DENND1A: variants seen among roughly 807,000 people sequenced by gnomAD.
DENND1A encodes the protein DENN domain-containing protein 1A.
In DENND1A, 51 loss-of-function variants were observed where a neutral mutation model predicts 113.7. The observed-to-expected ratio is 0.45, with a 90% confidence interval of 0.36 to 0.57. DENND1A has a LOEUF of 0.57. DENND1A is among the 20% of genes least tolerant of loss of function. The pLI is 0.00. For missense variants in DENND1A, 1,258 were observed against 1,395.9 expected, an observed-to-expected ratio of 0.90 and a Z score of 1.57; for synonymous variants, 565 against 570.8, an observed-to-expected ratio of 0.99 and a Z score of 0.14.
intron 13 of DENND1A, among the ~76,000 whole-genome samples, chr9:123,523,927 A>AAC (rs1377250726): frequency 6.6e-6 from 1 of 152,210 alleles, no homozygotes; most frequent in African/African-American, 2.4e-5. Context: ...AAACTCCCTC[A>AAC]ACAACTAGAA....
chr9:123,791,702 A>G (rs937638670), intron 3 of DENND1A, among the ~76,000 whole-genome samples: 1 of 152,206 alleles, frequency 6.6e-6, no homozygotes, highest in Non-Finnish European at 1.5e-5. Context: ...TCATTCAAAG[A>G]CTTTTAATAA....
intron 5 of DENND1A, among the ~76,000 whole-genome samples, chr9:123,725,447 C>G (rs1183210218): frequency 6.6e-6 from 1 of 152,226 alleles, no homozygotes; most frequent in African/African-American, 2.4e-5. Context: ...TTCAGCATCA[C>G]ACTCCCTATA....
intron 4 of DENND1A, among the ~76,000 whole-genome samples, chr9:123,763,373 T>A (rs544030070): frequency 6.6e-6 from 1 of 152,028 alleles, no homozygotes; most frequent in African/African-American, 2.4e-5. Flanking sequence ...GGACTGGGAA[T>A]TGGGGAGCAA....
At chr9:123,533,367 T>G (rs760417486) in intron 13 of DENND1A, among the ~76,000 whole-genome samples, 2 of 152,238 alleles carry the variant, frequency 1.3e-5, no homozygotes, top group Admixed American at 6.5e-5. Flanking sequence ...CCCACTCTCT[T>G]TAGCACAAGA....
At chr9:123,443,346 C>G (rs140027124) in intron 18 of DENND1A, among the ~76,000 whole-genome samples, 1 of 152,216 alleles carries the variant, frequency 6.6e-6, no homozygotes, top group Non-Finnish European at 1.5e-5. Flanking sequence ...TCTCTATCAA[C>G]TGTAAGTTCG....
chr9:123,919,600 G>A (rs550256392), intron 1 of DENND1A, among the ~76,000 whole-genome samples: 1 of 151,492 alleles, frequency 6.6e-6, no homozygotes, highest in African/African-American at 2.4e-5. Context: ...TGACATCTGC[G>A]GCCTGGAATG....
chr9:123,583,069 A>T (rs2058996831), intron 12 of DENND1A, 100 bp downstream of exon 12: 1 of 884,834 alleles, frequency 1.1e-6, no homozygotes, highest in Admixed American at 2.3e-5. Context: ...GGTCACAGGA[A>T]AACCCTCGCT....
chr9:123,733,800 A>G lies in DENND1A; in HGVS notation c.302+23903T>C, dbSNP rs556800934. On this transcript the variant is annotated intron_variant, in intron 5 of 23. Coordinates refer to ENST00000394215, the MANE Select transcript of DENND1A (RefSeq NM_001352964.2). The stretch of plus-strand genomic sequence containing the variant: ...CCTGCCTCAGCCTCCCAAGCAGCTG[A>G]GACTACAGGCACATGCCACCATGAC... Among the ~76,000 whole-genome samples the G allele has an allele frequency of 1.5e-3, 222 of 151,634 alleles. 1 individual carries two copies. The highest frequency in any genetic ancestry group is 5.3e-3 in the African/African-American group (218 of 41,332).
Position 123,381,098 on chromosome 9 carries a change from G to A in DENND1A, c.*334C>T, listed in dbSNP as rs928562295. 4 of 307,380 alleles carry A rather than the reference G, an allele frequency of 1.3e-5. No homozygotes were observed. The highest frequency in any genetic ancestry group is 8.9e-5 in the East Asian group (1 of 11,258). The allele number at this position is 307,380 out of a possible 1,614,324, so 19.0% of individuals were successfully genotyped here. A position where few individuals can be genotyped will look rare whatever the true frequency, so the allele number is the denominator to read the frequency against. On this transcript the variant is annotated 3_prime_UTR_variant, in exon 24 of 24. Coordinates refer to ENST00000394215, the MANE Select transcript of DENND1A (RefSeq NM_001352964.2). This position sits in a 1 kb window ranked among gnomAD's most constrained non-coding sequence, Gnocchi z 4.7. ...CTTCGGAGCCTCTTGGGACACTTCC[G>A]GGGGAAGGTGGGTAGGACTCGGTCT...
intron 20 of DENND1A, 90 bp from the exon 21 acceptor site, chr9:123,403,580 C>T (rs746326782): frequency 6.6e-6 from 8 of 1,212,036 alleles, no homozygotes; most frequent in Non-Finnish European, 9.5e-6. Flanking sequence ...AACGGCCCCC[C>T]CAAAAAACGT....
chr9:123,436,311 G>A (rs1473164026), intron 19 of DENND1A, among the ~76,000 whole-genome samples: 1 of 152,240 alleles, frequency 6.6e-6, no homozygotes, highest in Non-Finnish European at 1.5e-5. Flanking sequence ...TCCTTGCTAG[G>A]AGTCTATGGG....
intron 11 of DENND1A, among the ~76,000 whole-genome samples, chr9:123,593,337 T>TA (rs1387483241): frequency 6.6e-6 from 1 of 152,164 alleles, no homozygotes; most frequent in Non-Finnish European, 1.5e-5. Flanking sequence ...GAGGATTAAG[T>TA]AAAAAATTCT....
intron 5 of DENND1A, among the ~76,000 whole-genome samples, chr9:123,713,503 G>T (rs984075533): frequency 6.6e-6 from 1 of 152,160 alleles, no homozygotes; most frequent in African/African-American, 2.4e-5. Flanking sequence ...TAGAGCACAG[G>T]ACCACTGGTT....
chr9:123,466,297 T>TTTA (rs1268415683), intron 13 of DENND1A, among the ~76,000 whole-genome samples: 1 of 151,942 alleles, frequency 6.6e-6, no homozygotes, highest in African/African-American at 2.4e-5. Context: ...GTGCCTGCCT[T>TTTA]TTTATTTATT....
At chr9:123,822,022 GAAA>G (rs2132626317) in intron 2 of DENND1A, among the ~76,000 whole-genome samples, 1 of 152,276 alleles carries the variant, frequency 6.6e-6, no homozygotes, top group East Asian at 1.9e-4. Context: ...AGAATTAACT[GAAA>G]AATGAAATCA....
intron 15 of DENND1A, among the ~76,000 whole-genome samples, chr9:123,456,217 T>A (rs1342144544): frequency 7.1e-6 from 1 of 140,750 alleles, no homozygotes; most frequent in Non-Finnish European, 1.6e-5. Flanking sequence ...AATTGGATTA[T>A]CACAGTAGTC....
At chr9:123,851,281 G>A (rs1198042775) in intron 2 of DENND1A, among the ~76,000 whole-genome samples, 1 of 152,202 alleles carries the variant, frequency 6.6e-6, no homozygotes, top group African/African-American at 2.4e-5. Context: ...GAATCAGAAA[G>A]TATGTACTCT....
At chr9:123,507,481 C>A (rs1386373546) in intron 13 of DENND1A, among the ~76,000 whole-genome samples, 1 of 152,164 alleles carries the variant, frequency 6.6e-6, no homozygotes, top group Non-Finnish European at 1.5e-5. Context: ...AGGTTCTAGG[C>A]TGAGAGCCCT....
rs143084688 is a variant in DENND1A, at chr9:123,527,582, C to T, written c.993+29988G>A. Reference sequence around the variant, plus strand: ...CTCTCAGCTTGGGTATCACTTCCTCCAGGGCACTTTGCTGAGCCCCAATTC... The same window carrying T: ...CTCTCAGCTTGGGTATCACTTCCTCTAGGGCACTTTGCTGAGCCCCAATTC... On this transcript the variant is annotated intron_variant, in intron 13 of 23. Transcript: ENST00000394215. 4.6e-5 allele frequency among the ~76,000 whole-genome samples: 7 copies of T among 152,254 alleles called. No homozygotes were observed. The East Asian group carries it at 1.4e-3, about 29-fold the overall frequency.
Sources: gnomAD v4.1 joint callset for allele counts (sites outside exome capture counted in the v4.1 genomes callset) on GRCh38, gnomAD v4.1.1 for gene constraint, Gnocchi (gnomAD v3.1) non-coding constraint, MANE v1.5 for transcripts, NCBI Gene and HGNC (gene_info 2026-07-23, HGNC 2026-07-21) for gene names.